SND1: variants seen among roughly 807,000 people sequenced by gnomAD.
The protein encoded by SND1 is staphylococcal nuclease and tudor domain containing 1, also known as staphylococcal nuclease domain-containing protein 1.
In SND1, 38 loss-of-function variants were observed where a neutral mutation model predicts 121.7. The observed-to-expected ratio is 0.31, with a 90% CI of 0.24 to 0.41. The LOEUF is 0.41. Ranked by LOEUF, SND1 falls within the 10% of genes least tolerant of loss-of-function variation. The probability of loss-of-function intolerance (pLI) is 1.00; values close to 1 mark genes in which losing one functional copy is unlikely to be tolerated. For missense variants in SND1, 868 were observed against 1,184.6 expected (o/e 0.73, Z 3.92); for synonymous variants, 401 against 447.4 (o/e 0.90, Z 1.31).
chr7:127,986,553 A>T (rs573268774), intron 15 of SND1, among the ~76,000 whole-genome samples: 1 of 152,386 alleles, frequency 6.6e-6, no homozygotes, highest in Non-Finnish European at 1.5e-5. Flanking sequence ...TAAACTATAC[A>T]GAGTCAGGCA....
At chr7:128,082,058 TCTC>T (rs748596535) in intron 18 of SND1, 7 of 490,694 alleles carry the variant, frequency 1.4e-5, no homozygotes, top group African/African-American at 3.9e-5. Flanking sequence ...TGAAGGACCT[TCTC>T]CTCCTTCCGT....
intron 10 of SND1, among the ~76,000 whole-genome samples, chr7:127,725,920 A>G (rs1327088773): frequency 6.6e-6 from 1 of 152,156 alleles, no homozygotes; most frequent in Admixed American, 6.5e-5. Context: ...TTTCCCTTCA[A>G]GGAAGCATGG....
At position 127,684,481 on chromosome 7, in the gene SND1, T is replaced by TTG. The variant is rs1795779686; in HGVS notation, c.79-2129_79-2128dup. Among the ~76,000 whole-genome samples, 3 of 152,228 alleles carry TTG rather than the reference T, an allele frequency of 2.0e-5. No individual in the cohort carries two copies. The South Asian group carries it at 6.2e-4, about 31-fold the overall frequency. ...TTGCTGTGTGTTTTGTTTCTACCAC[T>TTG]TGTGAGAAAGAATTGAATATAAATG... On this transcript the variant is annotated intron_variant, in intron 1 of 23. Coordinates refer to ENST00000354725, the MANE Select transcript of SND1 (RefSeq NM_014390.4).
At chr7:128,024,268 T>C (rs930289141) in intron 16 of SND1, among the ~76,000 whole-genome samples, 1 of 152,180 alleles carries the variant, frequency 6.6e-6, no homozygotes, top group African/African-American at 2.4e-5. Context: ...AAAAGCTGCC[T>C]TGCAGTTTAG....
intron 16 of SND1, among the ~76,000 whole-genome samples, chr7:128,055,716 C>T (rs556960728): frequency 6.6e-6 from 1 of 152,124 alleles, no homozygotes; most frequent in Non-Finnish European, 1.5e-5. Flanking sequence ...TGACTTTTTT[C>T]CTTTATACTG....
In SND1 at chr7:127,885,353, T is replaced by C. The variant is rs543821185; in HGVS notation, c.1344-2549T>C. On this transcript the variant is annotated intron_variant, in intron 12 of 23. Transcript: ENST00000354725. ...TGATGGTTGTTATCATTTCATGTAT[T>C]TTTACTCTTGTTACCGCTAAGCACC... Among the ~76,000 whole-genome samples the C allele has an allele frequency of 4.6e-5, 7 of 152,240 alleles. No homozygotes were observed. The East Asian group carries it at 1.4e-3, about 29-fold the overall frequency.
At chr7:127,930,938 T>A (rs1207060093) in intron 15 of SND1, among the ~76,000 whole-genome samples, 1 of 152,208 alleles carries the variant, frequency 6.6e-6, no homozygotes, top group Non-Finnish European at 1.5e-5. Flanking sequence ...GTCTATCACA[T>A]TTGGTAATTT....
At chr7:127,930,338 A>T (rs539865122) in intron 15 of SND1, among the ~76,000 whole-genome samples, 5 of 152,234 alleles carry the variant, frequency 3.3e-5, no homozygotes, top group African/African-American at 1.2e-4. Flanking sequence ...CTCCTGCCAG[A>T]TCGCCTTGGC....
intron 10 of SND1, among the ~76,000 whole-genome samples, chr7:127,744,721 T>C (rs1472221871): frequency 6.6e-6 from 1 of 152,210 alleles, no homozygotes; most frequent in African/African-American, 2.4e-5. Context: ...TCTTGGTCCT[T>C]TTGCCCTAAA....
chr7:127,729,694 C>T (rs962817149), intron 10 of SND1, among the ~76,000 whole-genome samples: 8 of 152,058 alleles, frequency 5.3e-5, no homozygotes, highest in African/African-American at 1.4e-4. Context: ...TATCTCTAAT[C>T]CTGACAAGTA....
At chr7:127,693,437 A>C (rs147210589) in intron 2 of SND1, among the ~76,000 whole-genome samples, 1 of 152,206 alleles carries the variant, frequency 6.6e-6, no homozygotes, top group Non-Finnish European at 1.5e-5. Context: ...CTAGAACCTC[A>C]TGATTTATGT....
intron 10 of SND1, among the ~76,000 whole-genome samples, chr7:127,739,644 A>G (rs1396786666): frequency 6.6e-6 from 1 of 152,234 alleles, no homozygotes; most frequent in Non-Finnish European, 1.5e-5. Context: ...GTGCATTAGT[A>G]GCTAAGACTC....
At chr7:127,881,062 G>A (rs1212643635) in intron 12 of SND1, among the ~76,000 whole-genome samples, 2 of 152,000 alleles carry the variant, frequency 1.3e-5, no homozygotes, top group African/African-American at 4.8e-5. Context: ...TAGTTCTGAG[G>A]GCAGCTCTGA....
chr7:127,846,805 A>G (rs1434894033), intron 12 of SND1, among the ~76,000 whole-genome samples: 4 of 152,016 alleles, frequency 2.6e-5, no homozygotes, highest in Admixed American at 2.6e-4. Flanking sequence ...AGATAATTTT[A>G]TTCTTTTATT....
intron 14 of SND1, among the ~76,000 whole-genome samples, chr7:127,908,992 G>C (rs960406361): frequency 6.6e-6 from 1 of 152,114 alleles, no homozygotes; most frequent in Non-Finnish European, 1.5e-5. Context: ...CCAGCCCTGC[G>C]AGTGCTGATT....
chr7:127,836,936 A>AT (rs1584608351), intron 11 of SND1, among the ~76,000 whole-genome samples: 1 of 152,126 alleles, frequency 6.6e-6, no homozygotes, highest in East Asian at 1.9e-4. Flanking sequence ...AGACTAAGGG[A>AT]TTTTTCCCTC....
chr7:127,857,969 C>T (rs1009387413), intron 12 of SND1: 12 of 1,411,060 alleles, frequency 8.5e-6, no homozygotes, highest in South Asian at 1.1e-5. Context: ...TGCATCTGGT[C>T]GCTGGTGAAG....
intron 16 of SND1, among the ~76,000 whole-genome samples, chr7:128,026,687 G>A (rs1261883213): frequency 6.6e-6 from 1 of 152,184 alleles, no homozygotes; most frequent in East Asian, 1.9e-4. Flanking sequence ...AGGTCCCCCA[G>A]GTTCCTCGGG....
chr7:127,987,804 G>A (rs1802428154), intron 15 of SND1, among the ~76,000 whole-genome samples: 1 of 141,398 alleles, frequency 7.1e-6, no homozygotes, highest in Non-Finnish European at 1.5e-5. Context: ...GAGACTGTCA[G>A]TATAACATAT....
Sources: gnomAD v4.1 joint callset for allele counts (sites outside exome capture counted in the v4.1 genomes callset) on GRCh38, gnomAD v4.1.1 for gene constraint, MANE v1.5 for transcripts, NCBI Gene and HGNC (gene_info 2026-07-23, HGNC 2026-07-21) for gene names.